GUCY1A1: variants seen among roughly 807,000 people sequenced by gnomAD.
The protein encoded by GUCY1A1 is guanylate cyclase 1 soluble subunit alpha 1, also known as guanylate cyclase soluble subunit alpha-1.
A neutral mutation model predicts 64.5 loss-of-function variants in GUCY1A1; 48 were observed. The ratio of observed to expected loss-of-function variants is 0.74; its 90% CI spans 0.59 to 0.95. The LOEUF (loss-of-function observed/expected upper bound fraction) is 0.95. Ranked by LOEUF, GUCY1A1 falls within the 40% of genes least tolerant of loss-of-function variation. The pLI, the probability that GUCY1A1 is intolerant of heterozygous loss-of-function variation, is 0.00. For synonymous variants in GUCY1A1, 308 were observed against 303.4 expected (o/e 1.02, Z -0.16); for missense variants, 804 against 825.3 (o/e 0.97, Z 0.32).
chr4:155,669,922 C>G (rs930690908), intron 2 of GUCY1A1, among the ~76,000 whole-genome samples: 1 of 152,078 alleles, frequency 6.6e-6, no homozygotes, highest in African/African-American at 2.4e-5. Context: ...ATCTGCACCC[C>G]CATAATTTCT....
intron 2 of GUCY1A1, among the ~76,000 whole-genome samples, chr4:155,676,241 A>G (rs1160710662): frequency 6.6e-6 from 1 of 150,974 alleles, no homozygotes; most frequent in African/African-American, 2.5e-5. Flanking sequence ...GCAACAATAC[A>G]GGGCTTAAAT....
intron 5 of GUCY1A1, among the ~76,000 whole-genome samples, chr4:155,709,221 C>T (rs1579081803): frequency 1.3e-5 from 2 of 152,232 alleles, no homozygotes; most frequent in South Asian, 2.1e-4. Context: ...TACATTCACT[C>T]GTGATAAAAA....
intron 9 of GUCY1A1, among the ~76,000 whole-genome samples, chr4:155,728,932 C>A (rs1330828655): frequency 6.6e-6 from 1 of 151,756 alleles, no homozygotes; most frequent in African/African-American, 2.4e-5. Context: ...AATAGTCACT[C>A]AAAAATATTT....
intron 9 of GUCY1A1, among the ~76,000 whole-genome samples, chr4:155,728,547 A>G (rs35250981): frequency 0.038 from 5,765 of 152,008 alleles, 139 homozygotes; most frequent in Middle Eastern, 0.075. Flanking sequence ...TTTAGATAAT[A>G]TAACTAAAAA....
intron 9 of GUCY1A1, among the ~76,000 whole-genome samples, chr4:155,728,977 T>G (rs976431452): frequency 1.3e-5 from 2 of 151,882 alleles, no homozygotes; most frequent in Non-Finnish European, 2.9e-5. Context: ...TTTCATTAGT[T>G]TTATTGTTTA....
chr4:155,710,710 G>A lies in GUCY1A1; in HGVS notation c.545G>A (p.Arg182Lys), dbSNP rs774181026. The A allele has an allele frequency of 1.2e-5, 19 of 1,613,974 alleles. No homozygotes were observed. The highest frequency in any genetic ancestry group is 1.6e-5 in the Non-Finnish European group (19 of 1,180,026). Residue 182 changes from arginine (R) to lysine (K), a missense_variant, in exon 6 of 10, where the codon AGG becomes AAG. By Grantham distance (26) the Arg-to-Lys change is conservative. Transcript: ENST00000506455. ...AGCCATTGCCAAGAAGCAGGAAAAA[G>A]GGGCAGGCTTGAGGACGCCTCCATT... ...QSSHCQEAGKRGRLEDASILC... is the reference protein window; with the variant it reads ...QSSHCQEAGKKGRLEDASILC...
chr4:155,710,668 C>G lies in GUCY1A1; in HGVS notation c.503C>G (p.Thr168Ser). 1 of 1,613,700 alleles carries G rather than the reference C, an allele frequency of 6.2e-7. No homozygotes were observed. The highest frequency in any genetic ancestry group is 8.5e-7 in the Non-Finnish European group (1 of 1,179,686). Reference sequence around the variant, plus strand: ...AAAGATTTTTTAAACAGCTTCAGTACCCTTCTGAAACAGAGCAGCCATTGC... The same window carrying G: ...AAAGATTTTTTAAACAGCTTCAGTAGCCTTCTGAAACAGAGCAGCCATTGC... ...TLKDFLNSFS[T>S]LLKQSSHCQE... The change falls in exon 6 of 10, where the codon ACC becomes AGC. Residue 168 changes from threonine (T) to serine (S), a missense_variant. Physicochemically the swap from Thr to Ser is moderately conservative, Grantham distance 58. Coordinates refer to ENST00000506455, the MANE Select transcript of GUCY1A1 (RefSeq NM_001130682.3).
In GUCY1A1 at chr4:155,734,904, A is replaced by G. The variant is rs1026863561; in HGVS notation, c.*4673A>G. ...TGTATCCTTTAGTGAAAAGGGGAAGAATCAATTACTGAAAGCCATAAGCTT... is the reference window on the plus strand; with the variant it reads ...TGTATCCTTTAGTGAAAAGGGGAAGGATCAATTACTGAAAGCCATAAGCTT... On this transcript the variant is annotated 3_prime_UTR_variant, in exon 10 of 10. Coordinates refer to ENST00000506455, the MANE Select transcript of GUCY1A1 (RefSeq NM_001130682.3). 4 of 152,010 alleles carry G rather than the reference A, an allele frequency of 2.6e-5. No homozygotes were observed. The highest frequency in any genetic ancestry group is 9.7e-5 in the African/African-American group (4 of 41,426). 9.4% of individuals were successfully genotyped at this position (152,010 alleles called of 1,614,324 possible).
At chr4:155,723,256 T>C (rs573546208) in intron 9 of GUCY1A1, among the ~76,000 whole-genome samples, 1 of 152,274 alleles carries the variant, frequency 6.6e-6, no homozygotes, top group African/African-American at 2.4e-5. Context: ...AACTAGCTGG[T>C]CATCGAGCAC....
chr4:155,718,256 G>A (rs569335760), intron 8 of GUCY1A1, among the ~76,000 whole-genome samples: 5 of 152,204 alleles, frequency 3.3e-5, no homozygotes, highest in African/African-American at 1.2e-4. Flanking sequence ...AAAACATATA[G>A]AGAAGAAAGA....
intron 3 of GUCY1A1, among the ~76,000 whole-genome samples, chr4:155,700,782 C>T (rs575253134): frequency 4.6e-5 from 7 of 152,080 alleles, no homozygotes; most frequent in Admixed American, 2.0e-4. Flanking sequence ...AAAGGCTTTC[C>T]CAAATAGTAG....
chr4:155,672,948 G>C (rs563738926), intron 2 of GUCY1A1, among the ~76,000 whole-genome samples: 2 of 152,156 alleles, frequency 1.3e-5, no homozygotes, highest in East Asian at 3.9e-4. Context: ...GTTATTTTTA[G>C]TTTTGTTCTA....
intron 9 of GUCY1A1, among the ~76,000 whole-genome samples, chr4:155,728,163 T>C (rs1163926505): frequency 2.0e-5 from 3 of 151,932 alleles, no homozygotes; most frequent in Non-Finnish European, 4.4e-5. Flanking sequence ...AAAATGTAAA[T>C]CTAGTCATAA....
intron 2 of GUCY1A1, among the ~76,000 whole-genome samples, chr4:155,670,755 T>A (rs1734034455): frequency 6.6e-6 from 1 of 152,142 alleles, no homozygotes; most frequent in African/African-American, 2.4e-5. Context: ...TAAACAATAT[T>A]TCATTAAAAC....
intron 4 of GUCY1A1, among the ~76,000 whole-genome samples, chr4:155,707,636 T>C (rs1289431131): frequency 2.0e-5 from 3 of 151,914 alleles, no homozygotes; most frequent in Non-Finnish European, 4.4e-5. Context: ...TCTGAGACTG[T>C]CTGTATTAGT....
intron 7 of GUCY1A1, among the ~76,000 whole-genome samples, chr4:155,715,008 A>C (rs1191736045): frequency 6.6e-6 from 1 of 152,146 alleles, no homozygotes; most frequent in African/African-American, 2.4e-5. Flanking sequence ...ACTTTTGGTT[A>C]TTTCTATCAA....
chr4:155,685,058 G>A (rs904042623), intron 2 of GUCY1A1, among the ~76,000 whole-genome samples: 1 of 152,116 alleles, frequency 6.6e-6, no homozygotes, highest in African/African-American at 2.4e-5. Context: ...TCCACAGCAG[G>A]AGCTCTGTAG....
intron 4 of GUCY1A1, among the ~76,000 whole-genome samples, chr4:155,704,470 C>A (rs558438718): frequency 1.3e-5 from 2 of 151,794 alleles, no homozygotes; most frequent in Non-Finnish European, 2.9e-5. Flanking sequence ...ACACACATCT[C>A]AACAACATGT....
At chr4:155,712,236 T>C (rs1300611188) in intron 6 of GUCY1A1, among the ~76,000 whole-genome samples, 1 of 152,170 alleles carries the variant, frequency 6.6e-6, no homozygotes, top group Non-Finnish European at 1.5e-5. Context: ...GTTCAAGCAG[T>C]TCTCCCCGCT....
Sources: gnomAD v4.1 joint callset for allele counts (sites outside exome capture counted in the v4.1 genomes callset) on GRCh38, gnomAD v4.1.1 for gene constraint, MANE v1.5 for transcripts, NCBI Gene and HGNC (gene_info 2026-07-23, HGNC 2026-07-21) for gene names.